The following TRMT44 variants were observed in gnomAD, a reference collection of about 807,000 sequenced individuals.
TRMT44 encodes the protein tRNA methyltransferase 44 homolog.
A neutral mutation model predicts 77.3 loss-of-function variants in TRMT44; 78 were observed. The observed-to-expected ratio is 1.01, with a 90% CI of 0.84 to 1.22. The LOEUF is 1.22. Ranked by LOEUF, TRMT44 falls within the 50% of genes most tolerant of loss-of-function variation. TRMT44 has a pLI of 0.00. For missense variants in TRMT44, 1,090 were observed against 964.4 expected, an observed-to-expected ratio of 1.13 and a Z score of -1.73; for synonymous variants, 391 against 383.3, an observed-to-expected ratio of 1.02 and a Z score of -0.23.
the TRMT44 span, chr4:8,511,844 A>G: frequency 9.2e-5 from 14 of 152,172 alleles, no homozygotes; most frequent in Non-Finnish European, 1.9e-4. Flanking sequence ...ATGAAATTCT[A>G]GGAGAGTCCA....
At position 8,449,686 on chromosome 4, in the gene TRMT44, T is replaced by C. The variant is rs1038955250; in HGVS notation, c.752T>C (p.Ile251Thr). Residue 251 changes from isoleucine to threonine, a missense_variant, in exon 3 of 11, where the codon ATT becomes ACT. Physicochemically the swap from Ile to Thr is moderately conservative, Grantham distance 89 (BLOSUM62 -1). Coordinates refer to ENST00000389737, the MANE Select transcript of TRMT44 (RefSeq NM_152544.3). ...SKEEWFISVLIFCPERWHSDG... is the reference protein window; with the variant it reads ...SKEEWFISVLTFCPERWHSDG... The stretch of plus-strand genomic sequence containing the variant: ...TTTTAAAGGTTCATATCTGTTTTAA[T>C]TTTCTGTCCAGAAAGATGGCATTCA... The C allele has an allele frequency of 2.0e-6, 3 of 1,535,844 alleles. No homozygotes were observed. The African/African-American group carries it at 4.1e-5, about 21-fold the overall frequency.
chr4:8,488,679 G>A (rs557833522), intron 2 of TRMT44, among the ~76,000 whole-genome samples: 2 of 152,318 alleles, frequency 1.3e-5, no homozygotes, highest in Non-Finnish European at 2.9e-5. Flanking sequence ...CAGGGGATGC[G>A]ATGGCTTGGC....
chr4:8,474,193 C>G (rs1560242377), intron 10 of TRMT44, among the ~76,000 whole-genome samples: 1 of 152,222 alleles, frequency 6.6e-6, no homozygotes, highest in African/African-American at 2.4e-5. Flanking sequence ...AGGCCCCTCA[C>G]TGTTTGGGAT....
chr4:8,451,926 G>T lies in TRMT44; in HGVS notation c.955-34G>T. On this transcript the variant is annotated intron_variant, in intron 3 of 10. Coordinates refer to ENST00000389737, the MANE Select transcript of TRMT44 (RefSeq NM_152544.3). The surrounding 1 kb of genome is among the most constrained non-coding windows in gnomAD (Gnocchi z 4.1). ...ATTGGGAAATGGTGGTGGGGAAACC[G>T]AACAATTTATGTTTGCTCTTGAAAC... 1 of 1,531,610 alleles carries T rather than the reference G, an allele frequency of 6.5e-7. No individual in the cohort carries two copies. The highest frequency in any genetic ancestry group is 1.2e-5 in the South Asian group (1 of 83,908). The allele number at this position is 1,531,610 out of a possible 1,614,324, so 94.9% of individuals were successfully genotyped here. A position where few individuals can be genotyped will look rare whatever the true frequency, so the allele number is the denominator to read the frequency against.
the TRMT44 span, chr4:8,507,342 T>C: frequency 6.6e-6 from 1 of 152,342 alleles, no homozygotes; most frequent in Non-Finnish European, 1.5e-5. Flanking sequence ...TGGCTGATAG[T>C]TTAGAAGCCC....
chr4:8,468,333 C>G lies in TRMT44; in HGVS notation c.1914C>G (p.Thr638=), dbSNP rs1164421212. 5 of 1,613,938 alleles carry G rather than the reference C, an allele frequency of 3.1e-6. No individual in the cohort carries two copies. In the Admixed American group the frequency reaches 5.0e-5, roughly 16 times the overall value. Reference sequence around the variant, plus strand: ...GTTCTCGAAATGGGAGTTTGAAGACCTGGAATGGGGGAGGTAAGCTGTCCA... The same window carrying G: ...GTTCTCGAAATGGGAGTTTGAAGACGTGGAATGGGGGAGGTAAGCTGTCCA... ...TRSSRNGSLK[T]WNGGESLSLA... Residue 638 remains threonine, a synonymous_variant, in exon 9 of 11, where the codon ACC becomes ACG. Transcript: ENST00000389737.
intron 7 of TRMT44, 132 bp from the exon 8 acceptor site, chr4:8,465,246 A>C: frequency 1.2e-6 from 1 of 857,906 alleles, no homozygotes. Context: ...CAACAAAAAG[A>C]AACAATATTG....
chr4:8,489,915 G>C (rs1164523406), intron 2 of TRMT44, among the ~76,000 whole-genome samples: 1 of 152,186 alleles, frequency 6.6e-6, no homozygotes, highest in African/African-American at 2.4e-5. Context: ...CATTATATCA[G>C]AGGTTAAAGA....
At chr4:8,498,693 C>T in the TRMT44 span, among the ~76,000 whole-genome samples, 3 of 152,200 alleles carry the variant, frequency 2.0e-5, no homozygotes, top group African/African-American at 7.2e-5. The surrounding 1 kb of genome is among the most constrained non-coding windows in gnomAD (Gnocchi z 4.3). Context: ...CCAATATCCA[C>T]GCCTCCCCTC....
downstream of TRMT44, among the ~76,000 whole-genome samples, chr4:8,496,281 G>A: frequency 6.6e-6 from 1 of 152,178 alleles, no homozygotes; most frequent in Non-Finnish European, 1.5e-5. Flanking sequence ...TCCTTCCTTT[G>A]TATGATGTGT....
chr4:8,495,470 A>G (rs909830115), downstream of TRMT44, among the ~76,000 whole-genome samples: 2 of 152,168 alleles, frequency 1.3e-5, no homozygotes, highest in African/African-American at 4.8e-5. Context: ...GTCATGGTGC[A>G]TGGTGGTTTC....
At chr4:8,513,770 A>G in the TRMT44 span, among the ~76,000 whole-genome samples, 1 of 152,238 alleles carries the variant, frequency 6.6e-6, no homozygotes, top group South Asian at 2.1e-4. Context: ...TCATCAATAA[A>G]CATGGAAAGG....
At chr4:8,510,482 G>C in the TRMT44 span, 1 of 152,892 alleles carries the variant, frequency 6.5e-6, no homozygotes, top group African/African-American at 2.4e-5. Flanking sequence ...TGCCTGCATG[G>C]TGTCTCTGAC....
chr4:8,494,220 A>C (rs1360005970), downstream of TRMT44, among the ~76,000 whole-genome samples: 7 of 152,074 alleles, frequency 4.6e-5, no homozygotes, highest in Non-Finnish European at 5.9e-5. Flanking sequence ...GGTTTTAAAA[A>C]GCTGCATACC....
intron 2 of TRMT44, among the ~76,000 whole-genome samples, chr4:8,483,269 G>T (rs563035148): frequency 1.1e-3 from 167 of 152,328 alleles, no homozygotes; most frequent in Non-Finnish European, 1.7e-3. Context: ...GTAGCAGTTT[G>T]GGGATAGCAC....
chr4:8,470,902 C>T lies in TRMT44; in HGVS notation c.1928-182C>T, dbSNP rs10938714. 2,281 of 525,290 alleles carry T rather than the reference C, an allele frequency of 4.3e-3. 51 individuals carry two copies. The East Asian group carries it at 0.047, about 11-fold the overall frequency. The allele number at this position is 525,290 out of a possible 1,614,324, so 32.5% of individuals were successfully genotyped here. A position where few individuals can be genotyped will look rare whatever the true frequency, so the allele number is the denominator to read the frequency against. ...CTGTGCCACCTTAGCTGGGTGGGGA[C>T]GCCACGGCCCTCACGGTTTGGTGCG... On this transcript the variant is annotated intron_variant, in intron 9 of 10. Coordinates refer to ENST00000389737, the MANE Select transcript of TRMT44 (RefSeq NM_152544.3).
chr4:8,485,129 G>T (rs184054926), intron 2 of TRMT44, among the ~76,000 whole-genome samples: 1 of 152,332 alleles, frequency 6.6e-6, no homozygotes, highest in Non-Finnish European at 1.5e-5. Context: ...AGTAATGAGG[G>T]CTGTCCCTGA....
the TRMT44 span, chr4:8,510,122 T>C: frequency 6.6e-6 from 1 of 152,560 alleles, no homozygotes; most frequent in Non-Finnish European, 1.5e-5. Context: ...CACCAGGACC[T>C]CAGCAGTGGG....
At chr4:8,507,019 G>A in the TRMT44 span, 2 of 152,532 alleles carry the variant, frequency 1.3e-5, no homozygotes, top group African/African-American at 4.8e-5. Context: ...CTGTGGACAG[G>A]GAGTCAGCTG....
Sources: gnomAD v4.1 joint callset for allele counts (sites outside exome capture counted in the v4.1 genomes callset) on GRCh38, gnomAD v4.1.1 for gene constraint, Gnocchi (gnomAD v3.1) non-coding constraint, MANE v1.5 for transcripts, NCBI Gene and HGNC (gene_info 2026-07-23, HGNC 2026-07-21) for gene names.